ADAMTS17: variants seen among roughly 807,000 people sequenced by gnomAD.
ADAMTS17 encodes A disintegrin and metalloproteinase with thrombospondin motifs 17.
In ADAMTS17, 113 loss-of-function variants were observed where a neutral mutation model predicts 141.5. The ratio of observed to expected loss-of-function variants is 0.80; its 90% CI spans 0.69 to 0.93. The LOEUF (loss-of-function observed/expected upper bound fraction) is 0.93. Ranked by LOEUF, ADAMTS17 falls within the 40% of genes least tolerant of loss-of-function variation. ADAMTS17 has a pLI of 0.00. For missense variants in ADAMTS17, 1,659 were observed against 1,517.9 expected (o/e 1.09, Z -1.54); for synonymous variants, 768 against 630.6 (o/e 1.22, Z -3.27).
chr15:100,059,170 A>C (rs1247521649), intron 15 of ADAMTS17, among the ~76,000 whole-genome samples: 3 of 152,202 alleles, frequency 2.0e-5, no homozygotes, highest in Non-Finnish European at 2.9e-5. Context: ...GGAGCCGATG[A>C]GTTGGAGAAC....
At chr15:100,100,813 C>T (rs754334526) in intron 14 of ADAMTS17, among the ~76,000 whole-genome samples, 19 of 152,090 alleles carry the variant, frequency 1.2e-4, no homozygotes, top group Non-Finnish European at 2.8e-4. Flanking sequence ...CAGAAACGTC[C>T]GCACATATGA....
chr15:100,134,202 C>T (rs564958298), intron 10 of ADAMTS17, among the ~76,000 whole-genome samples: 15 of 152,190 alleles, frequency 9.9e-5, no homozygotes, highest in East Asian at 3.9e-4. Flanking sequence ...AAGTTCCACA[C>T]GCCTCTCAGA....
At chr15:100,005,005 C>T (rs915273155) in intron 18 of ADAMTS17, among the ~76,000 whole-genome samples, 1 of 152,222 alleles carries the variant, frequency 6.6e-6, no homozygotes, top group African/African-American at 2.4e-5. Flanking sequence ...ATCTGCCTGC[C>T]TCGGCCTCCC....
chr15:100,084,795 A>T (rs1047735414), intron 15 of ADAMTS17, among the ~76,000 whole-genome samples: 2 of 152,254 alleles, frequency 1.3e-5, no homozygotes, highest in African/African-American at 4.8e-5. Context: ...CACTGTCAGA[A>T]GGAAAACTAG....
chr15:100,019,180 C>T (rs544372496), intron 18 of ADAMTS17, among the ~76,000 whole-genome samples: 1 of 152,120 alleles, frequency 6.6e-6, no homozygotes, highest in African/African-American at 2.4e-5. Context: ...ATGTACATAC[C>T]CTAAGAGACT....
intron 20 of ADAMTS17, among the ~76,000 whole-genome samples, chr15:99,984,855 G>A (rs975315874): frequency 1.9e-4 from 29 of 152,232 alleles, no homozygotes; most frequent in Middle Eastern, 3.2e-3. Context: ...GACGGGGCAT[G>A]GGATGACCAG....
At chr15:100,057,228 A>G (rs992757066) in intron 15 of ADAMTS17, among the ~76,000 whole-genome samples, 1 of 152,132 alleles carries the variant, frequency 6.6e-6, no homozygotes, top group Non-Finnish European at 1.5e-5. Context: ...AGGAGGCAAG[A>G]GAGGGAGAGT....
At position 100,341,959 on chromosome 15, in the gene ADAMTS17, G is replaced by T. The variant is rs1008085589; in HGVS notation, c.-60C>A. ...CGGCGAAGCAGGAGCGCGCTAGGCG[G>T]CGGCGCCAGCCGGAGTGAAGCCCTC... On this transcript the variant is annotated 5_prime_UTR_variant, in exon 1 of 22. Coordinates refer to ENST00000268070, the MANE Select transcript of ADAMTS17 (RefSeq NM_139057.4). 2.5e-5 allele frequency: 38 copies of T among 1,540,364 alleles called. No individual in the cohort carries two copies. In the African/African-American group the frequency reaches 2.5e-4, roughly 10 times the overall value.
intron 10 of ADAMTS17, among the ~76,000 whole-genome samples, chr15:100,145,262 G>T (rs1040006603): frequency 6.6e-6 from 1 of 152,148 alleles, no homozygotes; most frequent in Admixed American, 6.5e-5. Context: ...GGGAGCCTAG[G>T]GCTTGGGAAC....
intron 7 of ADAMTS17, among the ~76,000 whole-genome samples, chr15:100,200,537 A>G (rs2141644109): frequency 6.6e-6 from 1 of 152,262 alleles, no homozygotes; most frequent in African/African-American, 2.4e-5. Flanking sequence ...GAAACCTGAC[A>G]TCCGCCCTCC....
chr15:100,070,147 G>A (rs2033863200), intron 15 of ADAMTS17, among the ~76,000 whole-genome samples: 2 of 150,050 alleles, frequency 1.3e-5, no homozygotes, highest in South Asian at 2.1e-4. Flanking sequence ...GACAAAGAAG[G>A]CCATTACATA....
chr15:100,174,312 C>T (rs941714284), intron 8 of ADAMTS17, among the ~76,000 whole-genome samples: 2 of 150,360 alleles, frequency 1.3e-5, no homozygotes, highest in Admixed American at 6.6e-5. Flanking sequence ...AATACAAGGC[C>T]CCAATGTTTC....
intron 4 of ADAMTS17, among the ~76,000 whole-genome samples, chr15:100,268,134 C>CTT (rs34278280): frequency 0.016 from 2,364 of 152,096 alleles, 30 homozygotes; most frequent in Non-Finnish European, 0.023. Context: ...GTGAGTTGTT[C>CTT]TTTTTTACAG....
chr15:100,140,247 TG>T (rs976968625), intron 10 of ADAMTS17, among the ~76,000 whole-genome samples: 51 of 152,092 alleles, frequency 3.4e-4, no homozygotes, highest in African/African-American at 1.2e-3. Flanking sequence ...CCTCCTGCCT[TG>T]GCCCCCCAAA....
chr15:100,339,755 C>T (rs185927262), intron 2 of ADAMTS17, among the ~76,000 whole-genome samples: 17 of 152,292 alleles, frequency 1.1e-4, no homozygotes, highest in Admixed American at 7.8e-4. Flanking sequence ...CCAAAGTTGC[C>T]TATTTTTCCC....
chr15:100,295,058 T>C (rs1026251766), intron 3 of ADAMTS17, among the ~76,000 whole-genome samples: 1 of 152,106 alleles, frequency 6.6e-6, no homozygotes, highest in African/African-American at 2.4e-5. Context: ...AATTGCAGCA[T>C]GAAAAATAGT....
At chr15:100,115,645 A>G (rs2037069734) in intron 13 of ADAMTS17, among the ~76,000 whole-genome samples, 4 of 152,188 alleles carry the variant, frequency 2.6e-5, no homozygotes, top group Admixed American at 2.6e-4. Context: ...ACCTTCACAC[A>G]GCTACGCACA....
intron 12 of ADAMTS17, among the ~76,000 whole-genome samples, chr15:100,124,094 G>C (rs560058401): frequency 1.3e-5 from 2 of 151,902 alleles, no homozygotes; most frequent in African/African-American, 4.8e-5. Flanking sequence ...CTCCTGAGTA[G>C]CTAAGATTAC....
chr15:100,256,193 G>C (rs4965292), intron 6 of ADAMTS17, among the ~76,000 whole-genome samples: 12,910 of 152,224 alleles, frequency 0.085, 708 homozygotes, highest in East Asian at 0.14. Flanking sequence ...GTTCACTTCA[G>C]GAATGAAAAG....
Sources: gnomAD v4.1 joint callset for allele counts (sites outside exome capture counted in the v4.1 genomes callset) on GRCh38, gnomAD v4.1.1 for gene constraint, MANE v1.5 for transcripts, NCBI Gene and HGNC (gene_info 2026-07-23, HGNC 2026-07-21) for gene names.